PLCB1: variants seen among roughly 807,000 people sequenced by gnomAD.
PLCB1 encodes the protein 1-phosphatidylinositol 4,5-bisphosphate phosphodiesterase beta-1.
Under a neutral mutation model 161.8 loss-of-function variants are expected in PLCB1, and 46 were observed. The ratio of observed to expected loss-of-function variants is 0.28; its 90% confidence interval spans 0.22 to 0.36. The LOEUF (loss-of-function observed/expected upper bound fraction) is 0.36. Among genes scored for constraint, PLCB1 ranks in the 10% least tolerant of loss-of-function variants. The pLI is 1.00. For synonymous variants in PLCB1, 517 were observed against 503.7 expected (o/e 1.03, Z -0.35); for missense variants, 1,016 against 1,472.5 (o/e 0.69, Z 5.07).
chr20:8,628,020 C>G (rs913767192), intron 3 of PLCB1, among the ~76,000 whole-genome samples: 1 of 152,114 alleles, frequency 6.6e-6, no homozygotes, highest in African/African-American at 2.4e-5. Context: ...AATAGAGAAC[C>G]ATGACACATA....
intron 1 of PLCB1, among the ~76,000 whole-genome samples, chr20:8,140,352 G>T (rs2051390113): frequency 6.6e-6 from 1 of 152,248 alleles, no homozygotes; most frequent in African/African-American, 2.4e-5. Flanking sequence ...CCAAATCCTG[G>T]CTGATATGGC....
intron 3 of PLCB1, among the ~76,000 whole-genome samples, chr20:8,512,325 T>C (rs548764254): frequency 1.2e-3 from 182 of 152,318 alleles, no homozygotes; most frequent in African/African-American, 4.3e-3. Context: ...GCATAGGTGC[T>C]ATATTTACAA....
At chr20:8,267,319 G>A (rs1182930142) in intron 2 of PLCB1, among the ~76,000 whole-genome samples, 1 of 152,130 alleles carries the variant, frequency 6.6e-6, no homozygotes, top group Admixed American at 6.5e-5. Context: ...CCTAGCCCAC[G>A]GTTCACATCC....
At chr20:8,783,632 T>C (rs1983344093) in intron 27 of PLCB1, among the ~76,000 whole-genome samples, 1 of 152,170 alleles carries the variant, frequency 6.6e-6, no homozygotes, top group African/African-American at 2.4e-5. Context: ...GGGTATATAC[T>C]AGAAAAGTAC....
chr20:8,512,509 T>C (rs537788704), intron 3 of PLCB1, among the ~76,000 whole-genome samples: 2 of 152,334 alleles, frequency 1.3e-5, no homozygotes, highest in South Asian at 4.1e-4. Context: ...GGAGAAATTC[T>C]GTGATGTCAA....
At chr20:8,339,145 T>A (rs1600326679) in intron 2 of PLCB1, among the ~76,000 whole-genome samples, 1 of 152,220 alleles carries the variant, frequency 6.6e-6, no homozygotes, top group East Asian at 1.9e-4. Flanking sequence ...TACATTTTCA[T>A]TTCTCTTGGG....
Position 8,398,718 on chromosome 20 carries a change from G to A in PLCB1, c.246+27268G>A, listed in dbSNP as rs138628498. Among the ~76,000 whole-genome samples the A allele has an allele frequency of 8.7e-3, 1,326 of 152,032 alleles. 5 individuals are homozygous for A. Among genetic ancestry groups the A allele is most frequent in the Non-Finnish European group, 0.013 (869 of 67,970 alleles). On this transcript the variant is annotated intron_variant, in intron 3 of 31. Coordinates refer to ENST00000338037, the MANE Select transcript of PLCB1 (RefSeq NM_015192.4). ...AGCGTCCATATATGAATTTTGAAGG[G>A]AGACAAACATTCACTTAATAGCACA...
At chr20:8,519,254 A>G (rs1984255679) in intron 3 of PLCB1, among the ~76,000 whole-genome samples, 1 of 152,110 alleles carries the variant, frequency 6.6e-6, no homozygotes, top group African/African-American at 2.4e-5. Flanking sequence ...TAAGAAGGGC[A>G]TTCCTACAGT....
intron 2 of PLCB1, among the ~76,000 whole-genome samples, chr20:8,367,950 T>C (rs999537291): frequency 1.3e-5 from 2 of 152,198 alleles, no homozygotes; most frequent in African/African-American, 2.4e-5. Flanking sequence ...AATGAGTTCA[T>C]GGACGGCATT....
At chr20:8,538,025 A>G (rs148685289) in intron 3 of PLCB1, among the ~76,000 whole-genome samples, 2 of 152,306 alleles carry the variant, frequency 1.3e-5, no homozygotes, top group Non-Finnish European at 2.9e-5. Context: ...CAAATTAGTC[A>G]ATCAGAAATG....
At chr20:8,352,016 A>G (rs115861839) in intron 2 of PLCB1, among the ~76,000 whole-genome samples, 446 of 152,222 alleles carry the variant, frequency 2.9e-3, no homozygotes, top group African/African-American at 0.01. Context: ...TTGAATATTT[A>G]TGTCCCACAA....
chr20:8,369,719 G>A (rs534383641), intron 2 of PLCB1, among the ~76,000 whole-genome samples: 21 of 152,288 alleles, frequency 1.4e-4, no homozygotes, highest in African/African-American at 5.1e-4. Flanking sequence ...AGCATGAAAT[G>A]GGCTAAGGAA....
intron 11 of PLCB1, among the ~76,000 whole-genome samples, chr20:8,707,357 C>CA (rs1978743544): frequency 6.6e-6 from 1 of 151,862 alleles, no homozygotes; most frequent in Admixed American, 6.6e-5. Context: ...GTGGAAATCC[C>CA]TATTTAAAAG....
intron 2 of PLCB1, among the ~76,000 whole-genome samples, chr20:8,181,180 C>T (rs994805606): frequency 7.2e-5 from 10 of 138,414 alleles, no homozygotes; most frequent in East Asian, 4.6e-4. Context: ...CCCTGGGAGG[C>T]GGAGGTTGCA....
Position 8,254,393 on chromosome 20 carries a change from C to T in PLCB1, c.177+104022C>T, listed in dbSNP as rs575991889. ...ATATATTTGTTTCATTTAAGTAAACCTCTAGAAGTATCCAAACTAGGATTA... is the reference window on the plus strand; with the variant it reads ...ATATATTTGTTTCATTTAAGTAAACTTCTAGAAGTATCCAAACTAGGATTA... On this transcript the variant is annotated intron_variant, in intron 2 of 31. Coordinates refer to ENST00000338037, the MANE Select transcript of PLCB1 (RefSeq NM_015192.4). 2.6e-5 allele frequency among the ~76,000 whole-genome samples: 4 copies of T among 151,946 alleles called. No individual in the cohort carries two copies. In the South Asian group the frequency reaches 8.3e-4, roughly 32 times the overall value.
At chr20:8,458,362 C>A (rs1250435480) in intron 3 of PLCB1, among the ~76,000 whole-genome samples, 2 of 152,180 alleles carry the variant, frequency 1.3e-5, no homozygotes, top group African/African-American at 2.4e-5. Context: ...TGAATGAGTA[C>A]ATGAATATTT....
intron 9 of PLCB1, among the ~76,000 whole-genome samples, chr20:8,668,330 AGTC>A (rs1989864809): frequency 6.6e-6 from 1 of 152,192 alleles, no homozygotes; most frequent in Non-Finnish European, 1.5e-5. Flanking sequence ...GAATCACTAC[AGTC>A]TCTAGGATGC....
Position 8,811,199 on chromosome 20 carries a change from T to A in PLCB1, c.3423+20938T>A, listed in dbSNP as rs563690309. Among the ~76,000 whole-genome samples the A allele has an allele frequency of 3.3e-5, 5 of 152,184 alleles. No individual in the cohort carries two copies. In the South Asian group the frequency reaches 1.0e-3, roughly 32 times the overall value. ...AGGTCATTATTGGCCTTGATCTTAA[T>A]GAGGAATCAGCCAAAAGGTGGGGAA... On this transcript the variant is annotated intron_variant, in intron 31 of 31. Transcript: ENST00000338037.
intron 2 of PLCB1, among the ~76,000 whole-genome samples, chr20:8,340,987 C>T (rs1985787959): frequency 6.6e-6 from 1 of 152,106 alleles, no homozygotes; most frequent in Non-Finnish European, 1.5e-5. Flanking sequence ...GGCAAGATGC[C>T]CATGAACCAG....
Sources: gnomAD v4.1 joint callset for allele counts (sites outside exome capture counted in the v4.1 genomes callset) on GRCh38, gnomAD v4.1.1 for gene constraint, MANE v1.5 for transcripts, NCBI Gene and HGNC (gene_info 2026-07-23, HGNC 2026-07-21) for gene names.